CYP4X1: variants seen among roughly 807,000 people sequenced by gnomAD.
CYP4X1 encodes the protein cytochrome P450 family 4 subfamily X member 1, also known as cytochrome P450 4X1.
CYP4X1 carries 44 observed loss-of-function variants against 57.9 expected under a neutral mutation model. That is an observed-to-expected ratio of 0.76 (90% CI 0.60 to 0.98). The LOEUF (loss-of-function observed/expected upper bound fraction) is 0.98. Among genes scored for constraint, CYP4X1 ranks in the 50% least tolerant of loss-of-function variants. CYP4X1 has a pLI of 0.00. For synonymous variants in CYP4X1, 227 were observed against 228.6 expected (o/e 0.99, Z 0.06); for missense variants, 532 against 623.9 (o/e 0.85, Z 1.57).
the CYP4X1 span, among the ~76,000 whole-genome samples, chr1:47,011,456 T>C: frequency 2.0e-5 from 3 of 152,254 alleles, no homozygotes; most frequent in African/African-American, 4.8e-5. Context: ...ATAAAAACCC[T>C]AGAAGAAAAC....
At chr1:47,008,760 G>A in the CYP4X1 span, among the ~76,000 whole-genome samples, 3 of 152,008 alleles carry the variant, frequency 2.0e-5, no homozygotes, top group South Asian at 6.2e-4. Flanking sequence ...AAAAAGGCAG[G>A]GGTTGCAATC....
At chr1:46,987,581 A>C in the CYP4X1 span, among the ~76,000 whole-genome samples, 1 of 152,226 alleles carries the variant, frequency 6.6e-6, no homozygotes, top group African/African-American at 2.4e-5. Flanking sequence ...CAGAATATAC[A>C]TTCTTCTCAG....
At chr1:46,966,069 C>G in the CYP4X1 span, among the ~76,000 whole-genome samples, 5 of 152,236 alleles carry the variant, frequency 3.3e-5, no homozygotes, top group Non-Finnish European at 7.3e-5. Context: ...CAGACTGGAA[C>G]AGCTGAGTCT....
At chr1:46,988,356 T>G in the CYP4X1 span, among the ~76,000 whole-genome samples, 1 of 152,104 alleles carries the variant, frequency 6.6e-6, no homozygotes, top group Non-Finnish European at 1.5e-5. Context: ...AATACCTGAA[T>G]GGACCAATAA....
At chr1:46,980,749 A>G in the CYP4X1 span, among the ~76,000 whole-genome samples, 1 of 152,122 alleles carries the variant, frequency 6.6e-6, no homozygotes, top group Non-Finnish European at 1.5e-5. Flanking sequence ...GCTACAGTAA[A>G]CAAAACAGCA....
chr1:47,041,666 A>G (rs1234461070), intron 8 of CYP4X1, among the ~76,000 whole-genome samples: 1 of 152,122 alleles, frequency 6.6e-6, no homozygotes, highest in Non-Finnish European at 1.5e-5. Context: ...TTCCTCATAT[A>G]TTTTGAATAT....
At position 47,049,494 on chromosome 1, in the gene CYP4X1, G is replaced by A. The variant is rs1164333820; in HGVS notation, c.1345G>A (p.Ala449Thr). 1 of 1,613,740 alleles carries A rather than the reference G, an allele frequency of 6.2e-7. No individual in the cohort carries two copies. Among genetic ancestry groups the A allele is most frequent in the Non-Finnish European group, 8.5e-7 (1 of 1,179,808 alleles). The stretch of plus-strand genomic sequence containing the variant: ...CCCCTATGCCTACTTACCATTCTCA[G>A]CTGGATCAAGGTGAGAACAATTTGA... ...RHPYAYLPFS[A>T]GSRNCIGQEF... is the part of the protein sequence containing the mutation. Residue 449 changes from alanine to threonine, a missense_variant, in exon 11 of 12, where the codon GCT becomes ACT. Ala to Thr is a moderately conservative substitution (Grantham distance 58, BLOSUM62 0). Transcript: ENST00000371901.
chr1:47,008,227 G>C, the CYP4X1 span, among the ~76,000 whole-genome samples: 21 of 152,148 alleles, frequency 1.4e-4, no homozygotes, highest in Admixed American at 1.2e-3. Flanking sequence ...CTGATCTCTC[G>C]GCACAAACTC....
chr1:46,977,304 A>G, the CYP4X1 span, among the ~76,000 whole-genome samples: 1 of 152,182 alleles, frequency 6.6e-6, no homozygotes, highest in East Asian at 1.9e-4. Context: ...GCTGAAAACC[A>G]TGGCACGAGA....
chr1:47,033,402 G>T lies in CYP4X1; in HGVS notation c.492+34G>T, dbSNP rs751178310. 6.2e-6 allele frequency: 10 copies of T among 1,611,322 alleles called. 1 individual carries two copies. The stretch of plus-strand genomic sequence containing the variant: ...AGGGGGAAAGTGCTCTGTGCATTGC[G>T]AAATGCTCCCAGCAATGGACAGTAT... On this transcript the variant is annotated intron_variant, in intron 4 of 11. Transcript: ENST00000371901.
the CYP4X1 span, among the ~76,000 whole-genome samples, chr1:46,986,209 ACTT>A: frequency 1.1e-3 from 163 of 152,312 alleles, no homozygotes; most frequent in African/African-American, 3.7e-3. Flanking sequence ...CAGCAAAAGA[ACTT>A]CATGAAGCAT....
intron 1 of CYP4X1, among the ~76,000 whole-genome samples, chr1:47,026,236 G>A (rs894398743): frequency 1.2e-4 from 19 of 152,150 alleles, no homozygotes; most frequent in Non-Finnish European, 1.2e-4. Context: ...AGTGTAATAG[G>A]ATTGTTTGCA....
At chr1:46,986,079 A>G in the CYP4X1 span, among the ~76,000 whole-genome samples, 1 of 152,206 alleles carries the variant, frequency 6.6e-6, no homozygotes, top group Admixed American at 6.5e-5. Flanking sequence ...CCTCCGAGCT[A>G]AAGGAGCTTG....
the CYP4X1 span, among the ~76,000 whole-genome samples, chr1:46,997,334 T>C: frequency 6.6e-6 from 1 of 152,316 alleles, no homozygotes; most frequent in Non-Finnish European, 1.5e-5. Context: ...ATAGTGAACA[T>C]AGTACCCAAT....
the CYP4X1 span, among the ~76,000 whole-genome samples, chr1:47,001,697 C>T: frequency 2.0e-5 from 3 of 152,224 alleles, no homozygotes; most frequent in African/African-American, 7.2e-5. Flanking sequence ...TTTGTCATCC[C>T]TCAGTCTTCT....
rs572133551 is a variant in CYP4X1 at position 47,050,477 on chromosome 1, A to G, written c.*303A>G. ...TTTAAAATAGTTTTCAGAATTATGC[A>G]AGTAATAAGTGCATGTATGCTCACT... On this transcript the variant is annotated 3_prime_UTR_variant, in exon 12 of 12. Transcript: ENST00000371901. The G allele has an allele frequency of 2.9e-5, 6 of 208,112 alleles. No homozygotes were observed. Among genetic ancestry groups the G allele is most frequent in the Non-Finnish European group, 5.8e-5 (6 of 102,986 alleles). 12.9% of individuals were successfully genotyped at this position (208,112 alleles called of 1,614,324 possible). A position where few individuals can be genotyped will look rare whatever the true frequency, so the allele number is the denominator to read the frequency against.
At chr1:47,029,239 T>G (rs1360474849) in intron 1 of CYP4X1, among the ~76,000 whole-genome samples, 2 of 152,204 alleles carry the variant, frequency 1.3e-5, no homozygotes, top group Non-Finnish European at 2.9e-5. Flanking sequence ...CCCTCCACTT[T>G]ACACAAGAAG....
At chr1:46,983,557 G>T in the CYP4X1 span, among the ~76,000 whole-genome samples, 1 of 152,240 alleles carries the variant, frequency 6.6e-6, no homozygotes, top group Non-Finnish European at 1.5e-5. Flanking sequence ...GTGCTCAGGT[G>T]GGGGCAGGGC....
chr1:47,025,393 C>G (rs1334424312), intron 1 of CYP4X1, among the ~76,000 whole-genome samples: 2 of 152,172 alleles, frequency 1.3e-5, no homozygotes, highest in African/African-American at 4.8e-5. Context: ...TTGTGAATGA[C>G]CCAGCCTCAG....
Sources: allele counts gnomAD v4.1 joint callset (sites outside exome capture counted in the v4.1 genomes callset), GRCh38; gene constraint gnomAD v4.1.1; transcripts MANE v1.5; gene names NCBI Gene and HGNC (gene_info 2026-07-23, HGNC 2026-07-21).